PDE4D: variants seen among roughly 807,000 people sequenced by gnomAD.
The protein encoded by PDE4D is 3',5'-cyclic-AMP phosphodiesterase 4D.
PDE4D carries 24 observed loss-of-function variants against 87.4 expected under a neutral mutation model. The observed-to-expected ratio is 0.27, with a 90% CI of 0.20 to 0.39. PDE4D has a LOEUF of 0.39. Ranked by LOEUF, PDE4D falls within the 10% of genes least tolerant of loss-of-function variation. PDE4D has a pLI of 1.00. For synonymous variants in PDE4D, 384 were observed against 383.2 expected, an observed-to-expected ratio of 1.00 and a Z score of -0.02; for missense variants, 714 against 1,041.0, an observed-to-expected ratio of 0.69 and a Z score of 4.32.
At chr5:59,299,488 T>C (rs1459582829) in intron 1 of PDE4D, among the ~76,000 whole-genome samples, 1 of 152,212 alleles carries the variant, frequency 6.6e-6, no homozygotes, top group Non-Finnish European at 1.5e-5. Context: ...ACAACTAATA[T>C]TCCTTATATT....
Position 59,739,776 on chromosome 5 carries a change from T to C in PDE4D, c.455+153392A>G, listed in dbSNP as rs543589098. On this transcript the variant is annotated intron_variant, in intron 1 of 14. Transcript: ENST00000340635. The stretch of plus-strand genomic sequence containing the variant: ...TGCATCTTAATGCACCAATCCAGGA[T>C]TGACCTTCAAGTATGCTTATCTTAA... Among the ~76,000 whole-genome samples the C allele has an allele frequency of 7.2e-5, 11 of 152,278 alleles. No individual in the cohort carries two copies. In the South Asian group the frequency reaches 1.2e-3, roughly 17 times the overall value.
intron 1 of PDE4D, among the ~76,000 whole-genome samples, chr5:59,426,407 T>C (rs972936364): frequency 7.2e-5 from 11 of 152,278 alleles, no homozygotes; most frequent in African/African-American, 2.6e-4. Context: ...TATTCCTTCC[T>C]GTCTTCTGGA....
chr5:59,512,745 TA>T lies in PDE4D; in HGVS notation c.456-296778del, dbSNP rs370768345. Among the ~76,000 whole-genome samples, 525 of 152,018 alleles carry T rather than the reference TA, an allele frequency of 3.5e-3. 1 individual carries two copies. Among genetic ancestry groups the T allele is most frequent in the African/African-American group, 0.012 (491 of 41,494 alleles). ...CAGATGTCAAATCAAGGAACATTTG[TA>T]AAAAAAATTAGACTAATGTTCAAGT... On this transcript the variant is annotated intron_variant, in intron 1 of 14. Coordinates refer to ENST00000340635, the MANE Select transcript of PDE4D (RefSeq NM_001104631.2).
upstream of PDE4D, among the ~76,000 whole-genome samples, chr5:59,898,423 G>A (rs1751897238): frequency 6.6e-6 from 1 of 152,190 alleles, no homozygotes; most frequent in Admixed American, 6.5e-5. Flanking sequence ...GGGGGGAAGA[G>A]ATATACTGAT....
chr5:60,291,402 G>A (rs1332566321), intron 1 of PDE4D, among the ~76,000 whole-genome samples: 1 of 151,892 alleles, frequency 6.6e-6, no homozygotes, highest in African/African-American at 2.4e-5. Flanking sequence ...TAATAAAAAT[G>A]TCAAAGAATT....
chr5:59,095,292 T>C (rs1456845806), intron 5 of PDE4D, among the ~76,000 whole-genome samples: 1 of 150,810 alleles, frequency 6.6e-6, no homozygotes, highest in Non-Finnish European at 1.5e-5. Context: ...AACAATCTCA[T>C]AATGAGGCAT....
At chr5:59,065,665 A>G (rs1184603724) in intron 5 of PDE4D, among the ~76,000 whole-genome samples, 1 of 152,158 alleles carries the variant, frequency 6.6e-6, no homozygotes, top group African/African-American at 2.4e-5. Context: ...AGATGAGAAA[A>G]TAATTGTCAA....
intron 1 of PDE4D, among the ~76,000 whole-genome samples, chr5:60,411,577 A>G (rs1167617342): frequency 6.6e-6 from 1 of 152,226 alleles, no homozygotes; most frequent in Non-Finnish European, 1.5e-5. Context: ...CAATGCATAC[A>G]TTTATTTTAT....
At chr5:60,426,370 G>T (rs960748393) in intron 1 of PDE4D, among the ~76,000 whole-genome samples, 1 of 152,202 alleles carries the variant, frequency 6.6e-6, no homozygotes, top group Admixed American at 6.5e-5. Flanking sequence ...ATGAGTTCAT[G>T]TCCTTTTCAG....
intron 1 of PDE4D, among the ~76,000 whole-genome samples, chr5:59,462,045 A>G (rs16889874): frequency 0.037 from 5,576 of 152,230 alleles, 342 homozygotes; most frequent in African/African-American, 0.13. Flanking sequence ...TATGATAGTC[A>G]GATTAAGTAA....
At chr5:60,072,911 G>C (rs1402390876) in intron 2 of PDE4D, among the ~76,000 whole-genome samples, 1 of 152,110 alleles carries the variant, frequency 6.6e-6, no homozygotes, top group Admixed American at 6.5e-5. Context: ...AGAATAGTTT[G>C]AAATCAGGTA....
chr5:59,306,570 C>G (rs752237125), intron 1 of PDE4D, among the ~76,000 whole-genome samples: 1 of 152,104 alleles, frequency 6.6e-6, no homozygotes, highest in Non-Finnish European at 1.5e-5. Flanking sequence ...CAATAACAGA[C>G]AAACAGAGAG....
chr5:59,298,776 T>TA (rs1475854241), intron 1 of PDE4D, among the ~76,000 whole-genome samples: 2 of 152,046 alleles, frequency 1.3e-5, no homozygotes, highest in Admixed American at 6.6e-5. Flanking sequence ...AAACAACTTG[T>TA]AAAAAAAATT....
intron 1 of PDE4D, among the ~76,000 whole-genome samples, chr5:59,499,111 G>A (rs1807780619): frequency 6.6e-6 from 1 of 151,854 alleles, no homozygotes; most frequent in Non-Finnish European, 1.5e-5. Flanking sequence ...TCAACAGCAA[G>A]AGGAATTCTT....
intron 1 of PDE4D, chr5:60,188,403 G>A (rs1020031550): frequency 2.0e-5 from 3 of 152,094 alleles, no homozygotes; most frequent in Admixed American, 1.3e-4. Context: ...GTTGCTCTCT[G>A]GGACACAGCT....
At chr5:59,892,539 T>A (rs1032974446) in intron 1 of PDE4D, among the ~76,000 whole-genome samples, 19 of 141,262 alleles carry the variant, frequency 1.3e-4, no homozygotes, top group African/African-American at 5.8e-4. Context: ...GCTGAACATT[T>A]TGCTCCAAAC....
At chr5:59,489,999 A>G (rs1426733550) in intron 1 of PDE4D, among the ~76,000 whole-genome samples, 1 of 152,216 alleles carries the variant, frequency 6.6e-6, no homozygotes, top group Non-Finnish European at 1.5e-5. Flanking sequence ...TTATAATATC[A>G]GCACTGCCTT....
chr5:59,156,320 A>AAAATATATAT lies in PDE4D; in HGVS notation c.808+24274_808+24275insATATATATTT, dbSNP rs548335725. Among the ~76,000 whole-genome samples the AAAATATATAT allele has an allele frequency of 1.6e-3, 131 of 81,734 alleles. 3 individuals carry two copies. The highest frequency in any genetic ancestry group is 2.0e-3 in the South Asian group (5 of 2,542). The allele number at this position is 81,734 out of a possible 152,430, so 53.6% of individuals were successfully genotyped here. On this transcript the variant is annotated intron_variant, in intron 5 of 14. Transcript: ENST00000340635. ...CTAGAGACTTGCCAGAAAAAAAAAA[A>AAAATATATAT]ATATATATATATGTGTGTGTGTGTG...
intron 1 of PDE4D, among the ~76,000 whole-genome samples, chr5:59,419,374 A>G (rs1027793174): frequency 6.6e-6 from 1 of 152,192 alleles, no homozygotes; most frequent in African/African-American, 2.4e-5. Flanking sequence ...ATCAGTTCCT[A>G]TTCAGTAAAT....
Sources: gnomAD v4.1 joint callset for allele counts (sites outside exome capture counted in the v4.1 genomes callset) on GRCh38, gnomAD v4.1.1 for gene constraint, MANE v1.5 for transcripts, NCBI Gene and HGNC (gene_info 2026-07-23, HGNC 2026-07-21) for gene names.